Variants in MPP7 observed in about 807,000 individuals in gnomAD.
MPP7 encodes MAGUK p55 subfamily member 7.
A neutral mutation model predicts 76.5 loss-of-function variants in MPP7; 60 were observed. The ratio of observed to expected loss-of-function variants is 0.78; its 90% CI spans 0.64 to 0.97. The LOEUF (loss-of-function observed/expected upper bound fraction) is 0.97, where lower values mean the gene tolerates loss of function less well. Ranked by LOEUF, MPP7 falls within the 50% of genes least tolerant of loss-of-function variation. The pLI is 0.00. For synonymous variants in MPP7, 237 were observed against 244.5 expected, an observed-to-expected ratio of 0.97 and a Z score of 0.29; for missense variants, 641 against 694.0, an observed-to-expected ratio of 0.92 and a Z score of 0.86.
intron 2 of MPP7, among the ~76,000 whole-genome samples, chr10:28,236,025 C>T (rs1027030954): frequency 3.3e-5 from 5 of 152,142 alleles, no homozygotes; most frequent in South Asian, 2.1e-4. Context: ...TCACTAGTAA[C>T]GCACATTTCA....
intron 15 of MPP7, 34 bp downstream of exon 15, chr10:28,058,461 C>G: frequency 8.3e-7 from 1 of 1,208,442 alleles, no homozygotes; most frequent in Non-Finnish European, 1.2e-6. Context: ...TGACATGGGT[C>G]AGAAGGGTAT....
At chr10:28,112,701 CGTTGA>C (rs1834542387) in intron 11 of MPP7, among the ~76,000 whole-genome samples, 1 of 152,072 alleles carries the variant, frequency 6.6e-6, no homozygotes, top group South Asian at 2.1e-4. Flanking sequence ...ATATATAAAA[CGTTGA>C]TCTCAGAAGA....
chr10:28,100,121 T>A (rs1196337826), intron 11 of MPP7, among the ~76,000 whole-genome samples: 4 of 139,962 alleles, frequency 2.9e-5, no homozygotes, highest in Admixed American at 1.4e-4. Context: ...TTAAGAAGAT[T>A]AAAAAAAAAA....
intron 3 of MPP7, among the ~76,000 whole-genome samples, chr10:28,186,130 T>C (rs1320071187): frequency 2.6e-5 from 4 of 152,094 alleles, no homozygotes; most frequent in Admixed American, 2.6e-4. Context: ...GTGGATCACT[T>C]AGGCCAAAAG....
chr10:28,246,847 G>A (rs189078717), intron 1 of MPP7, among the ~76,000 whole-genome samples: 39 of 151,970 alleles, frequency 2.6e-4, no homozygotes, highest in African/African-American at 4.8e-4. Flanking sequence ...ATTTGGGTAC[G>A]GACACAGAAT....
intron 1 of MPP7, among the ~76,000 whole-genome samples, chr10:28,250,041 CTA>C (rs1839564511): frequency 6.6e-6 from 1 of 150,756 alleles, no homozygotes; most frequent in African/African-American, 2.4e-5. Flanking sequence ...TAGAAAGAAA[CTA>C]TTATATAACC....
chr10:28,111,215 T>A (rs34868594), intron 11 of MPP7, among the ~76,000 whole-genome samples: 6,985 of 147,852 alleles, frequency 0.047, 225 homozygotes, highest in Non-Finnish European at 0.068. Flanking sequence ...AAAAAAAAAA[T>A]CCACCTACCA....
In MPP7 at chr10:28,114,987, G is replaced by A. The variant is rs569753521; in HGVS notation, c.952+4664C>T. 3.3e-5 allele frequency among the ~76,000 whole-genome samples: 5 copies of A among 152,196 alleles called. No individual in the cohort carries two copies. The South Asian group carries it at 1.0e-3, about 32-fold the overall frequency. ...GATCAGATATGAAATTTACAACTTA[G>A]TTCATCTACACCTCTTTCCACCCAA... is the stretch of plus-strand genomic sequence containing the variant. On this transcript the variant is annotated intron_variant, in intron 11 of 16. Transcript: ENST00000683449.
intron 1 of MPP7, among the ~76,000 whole-genome samples, 140 bp downstream of exon 1, chr10:28,302,721 T>C (rs1198356234): frequency 2.0e-5 from 3 of 148,632 alleles, no homozygotes. Flanking sequence ...CTGAGGCGCC[T>C]AGAGGCCGGC....
intron 3 of MPP7, among the ~76,000 whole-genome samples, chr10:28,180,456 T>C (rs1837023762): frequency 6.6e-6 from 1 of 152,212 alleles, no homozygotes; most frequent in African/African-American, 2.4e-5. Context: ...ATGAACTTTC[T>C]ACAGCGCAAC....
intron 13 of MPP7, among the ~76,000 whole-genome samples, chr10:28,060,048 ACCTTTTTTT>A (rs1851715425): frequency 7.1e-6 from 1 of 140,674 alleles, no homozygotes; most frequent in Non-Finnish European, 1.5e-5. Flanking sequence ...GAGGAAAAAA[ACCTTTTTTT>A]TTTTTTTGCA....
rs147046121 is a variant in MPP7, at chr10:28,086,825, C to T, written c.1123+2846G>A. On this transcript the variant is annotated intron_variant, in intron 12 of 16. Coordinates refer to ENST00000683449, the MANE Select transcript of MPP7 (RefSeq NM_001318170.2). The stretch of plus-strand genomic sequence containing the variant: ...GGAAAGCCCACCAGAGTCTATCCCC[C>T]GCTGAATACAGCCCAAACCTCTGGA... 5.1e-3 allele frequency among the ~76,000 whole-genome samples: 775 copies of T among 152,172 alleles called. 3 individuals are homozygous for T. Among genetic ancestry groups the T allele is most frequent in the African/African-American group, 0.017 (714 of 41,514 alleles).
At chr10:28,110,091 T>A (rs187274229) in intron 11 of MPP7, among the ~76,000 whole-genome samples, 141 of 149,786 alleles carry the variant, frequency 9.4e-4, no homozygotes, top group Admixed American at 1.5e-3. Context: ...TTCTTTTTTC[T>A]TTTTTCTTTT....
At chr10:28,187,507 C>T (rs1344734007) in intron 3 of MPP7, among the ~76,000 whole-genome samples, 2 of 152,192 alleles carry the variant, frequency 1.3e-5, no homozygotes, top group Non-Finnish European at 2.9e-5. Flanking sequence ...ATGGATCATT[C>T]GCAATGTCTG....
chr10:28,256,568 A>G (rs1346718198), intron 1 of MPP7, among the ~76,000 whole-genome samples: 2 of 152,108 alleles, frequency 1.3e-5, no homozygotes, highest in African/African-American at 4.8e-5. Flanking sequence ...TTAAAAAATA[A>G]TAATAATGAA....
chr10:28,113,509 T>A (rs1834568761), intron 11 of MPP7, among the ~76,000 whole-genome samples: 2 of 152,042 alleles, frequency 1.3e-5, no homozygotes, highest in South Asian at 4.1e-4. Context: ...CGGAAACAGG[T>A]CAGACAAGAG....
chr10:28,153,688 T>C (rs902449085), intron 3 of MPP7, among the ~76,000 whole-genome samples: 1 of 152,174 alleles, frequency 6.6e-6, no homozygotes, highest in Non-Finnish European at 1.5e-5. Context: ...TACTTACACA[T>C]ACAATAGAAC....
At chr10:28,110,593 T>C (rs1588784674) in intron 11 of MPP7, among the ~76,000 whole-genome samples, 1 of 152,350 alleles carries the variant, frequency 6.6e-6, no homozygotes, top group East Asian at 1.9e-4. Flanking sequence ...GAAATATTGG[T>C]ATTTCTTTTA....
intron 5 of MPP7, among the ~76,000 whole-genome samples, chr10:28,137,140 T>TC (rs1157346979): frequency 1.3e-5 from 2 of 152,140 alleles, no homozygotes; most frequent in Non-Finnish European, 2.9e-5. Flanking sequence ...ACAGCACACT[T>TC]CTCATCAGAA....
Sources: gnomAD v4.1 joint callset for allele counts (sites outside exome capture counted in the v4.1 genomes callset) on GRCh38, gnomAD v4.1.1 for gene constraint, MANE v1.5 for transcripts, NCBI Gene and HGNC (gene_info 2026-07-23, HGNC 2026-07-21) for gene names.